EFL1: variants seen among roughly 807,000 people sequenced by gnomAD.
EFL1 encodes elongation factor-like GTPase 1.
Under a neutral mutation model 126.7 loss-of-function variants are expected in EFL1, and 76 were observed. That is an observed-to-expected ratio of 0.60 (90% confidence interval 0.50 to 0.73). The LOEUF (loss-of-function observed/expected upper bound fraction) is 0.73, where lower values mean the gene tolerates loss of function less well. EFL1 is among the 30% of genes least tolerant of loss of function. The pLI, the probability that EFL1 is intolerant of heterozygous loss-of-function variation, is 0.00. For synonymous variants in EFL1, 410 were observed against 448.4 expected (o/e 0.91, Z 1.08); for missense variants, 1,128 against 1,343.2 (o/e 0.84, Z 2.50).
chr15:82,230,746 G>A (rs1010349773), intron 8 of EFL1, 102 bp downstream of exon 8: 1 of 1,384,184 alleles, frequency 7.2e-7, no homozygotes. Flanking sequence ...GAACTCACCT[G>A]CATAAATTAA....
intron 19 of EFL1, among the ~76,000 whole-genome samples, 156 bp downstream of exon 19, chr15:82,138,502 T>C (rs2073749042): frequency 6.6e-6 from 1 of 151,790 alleles, no homozygotes; most frequent in African/African-American, 2.4e-5. Flanking sequence ...TCAATCTGGA[T>C]GAAAAAGCCA....
intron 15 of EFL1, among the ~76,000 whole-genome samples, chr15:82,168,127 G>GC: frequency 6.6e-6 from 1 of 152,170 alleles, no homozygotes; most frequent in East Asian, 1.9e-4. Flanking sequence ...TCTGCTTTAG[G>GC]CCCCCTTGCA....
chr15:82,261,137 C>T (rs1041182506), intron 2 of EFL1, among the ~76,000 whole-genome samples: 1 of 152,174 alleles, frequency 6.6e-6, no homozygotes, highest in Admixed American at 6.5e-5. Context: ...ATCTCTAATA[C>T]TAATTATGTT....
At chr15:82,148,552 T>C (rs1230921719) in intron 18 of EFL1, among the ~76,000 whole-genome samples, 2 of 152,156 alleles carry the variant, frequency 1.3e-5, no homozygotes, top group Non-Finnish European at 2.9e-5. Context: ...AATACCTATG[T>C]TACCTATCTT....
At chr15:82,196,719 A>G (rs111705127) in intron 15 of EFL1, among the ~76,000 whole-genome samples, 4 of 152,346 alleles carry the variant, frequency 2.6e-5, no homozygotes, top group African/African-American at 9.6e-5. Flanking sequence ...CTAATTTGAT[A>G]TATCTTTCAA....
At position 82,163,917 on chromosome 15, in the gene EFL1, T is replaced by C. The variant is rs760435290; in HGVS notation, c.1818A>G (p.Pro606=). The change falls in exon 16 of 20, where the codon CCA becomes CCG. Residue 606 remains proline, a synonymous_variant. Transcript: ENST00000268206. ...ATLCSLPSCP[P]FIPLNFEATP... is the part of the protein sequence containing the mutation. ...TGGCTTCGAAGTTGAGTGGTATAAA[T>C]GGTGGGCAGGATGGCAGGCTACACA... 379 of 1,613,978 alleles carry C rather than the reference T, an allele frequency of 2.3e-4. No homozygotes were observed. Among genetic ancestry groups the C allele is most frequent in the Non-Finnish European group, 3.0e-4 (351 of 1,180,018 alleles).
chr15:82,233,490 C>T (rs1399767513), intron 7 of EFL1, among the ~76,000 whole-genome samples: 2 of 152,154 alleles, frequency 1.3e-5, no homozygotes, highest in Non-Finnish European at 2.9e-5. Flanking sequence ...CTTTTGCCCT[C>T]CAAGCTACCC....
chr15:82,167,938 G>A (rs1477094117), intron 15 of EFL1, among the ~76,000 whole-genome samples: 1 of 152,170 alleles, frequency 6.6e-6, no homozygotes, highest in African/African-American at 2.4e-5. Flanking sequence ...ACCTGTTTAA[G>A]CTGAATTAAT....
At chr15:82,234,196 A>C (rs1025430101) in intron 7 of EFL1, among the ~76,000 whole-genome samples, 3 of 152,210 alleles carry the variant, frequency 2.0e-5, no homozygotes, top group African/African-American at 4.8e-5. Context: ...ATGAAAATCA[A>C]TGTAAGAAAG....
At chr15:82,151,145 G>T (rs946905903) in intron 18 of EFL1, among the ~76,000 whole-genome samples, 6 of 152,184 alleles carry the variant, frequency 3.9e-5, no homozygotes, top group African/African-American at 1.4e-4. Context: ...AGAACTTTGG[G>T]AGGCCAAAGT....
intron 13 of EFL1, 29 bp downstream of exon 13, chr15:82,220,049 G>A: frequency 6.4e-7 from 1 of 1,570,756 alleles, no homozygotes; most frequent in Non-Finnish European, 8.6e-7. Context: ...CAAATACTTT[G>A]CAACAGAGCC....
rs536596698 is a variant in EFL1 at position 82,230,024 on chromosome 15, C to T, written c.855+824G>A. 1.1e-3 allele frequency among the ~76,000 whole-genome samples: 172 copies of T among 152,256 alleles called. 1 individual carries two copies. The highest frequency in any genetic ancestry group is 3.4e-3 in the Middle Eastern group (1 of 294). ...TCAAGGCATGCTCTTTCCCACTTAG[C>T]TATATTCACTCCCTTTAAAATATAT... On this transcript the variant is annotated intron_variant, in intron 8 of 19. Transcript: ENST00000268206.
At chr15:82,226,921 C>G (rs943789099) in intron 11 of EFL1, among the ~76,000 whole-genome samples, 2 of 152,074 alleles carry the variant, frequency 1.3e-5, no homozygotes, top group Non-Finnish European at 2.9e-5. Context: ...GGAATGAAAG[C>G]AATGGAAGCC....
intron 10 of EFL1, 132 bp from the exon 11 acceptor site, chr15:82,227,704 C>T (rs2074779456): frequency 4.2e-6 from 5 of 1,179,264 alleles, no homozygotes; most frequent in Non-Finnish European, 5.9e-6. Flanking sequence ...CAAGGCAACA[C>T]TGCTTTATGC....
chr15:82,140,223 T>C (rs1194821403), intron 18 of EFL1, among the ~76,000 whole-genome samples: 1 of 152,214 alleles, frequency 6.6e-6, no homozygotes, highest in Non-Finnish European at 1.5e-5. Context: ...AGGTAGCTTC[T>C]CATTTCTTCA....
intron 16 of EFL1, chr15:82,160,139 G>A (rs1355577272): frequency 2.0e-5 from 3 of 152,266 alleles, no homozygotes; most frequent in African/African-American, 7.2e-5. Flanking sequence ...CCCAAGGCTA[G>A]TTCACAAAAG....
chr15:82,184,690 T>C (rs2074285688), intron 15 of EFL1, among the ~76,000 whole-genome samples: 1 of 152,238 alleles, frequency 6.6e-6, no homozygotes, highest in African/African-American at 2.4e-5. Flanking sequence ...TTCATGTTCA[T>C]GTTATTTTGG....
At chr15:82,229,571 A>C (rs1275791345) in intron 8 of EFL1, among the ~76,000 whole-genome samples, 2 of 152,198 alleles carry the variant, frequency 1.3e-5, no homozygotes, top group Non-Finnish European at 2.9e-5. Flanking sequence ...ACTATGCAAA[A>C]AGTTAATAGC....
chr15:82,231,800 C>G lies in EFL1; in HGVS notation c.732-829G>C, dbSNP rs540739868. 2.0e-5 allele frequency among the ~76,000 whole-genome samples: 3 copies of G among 152,288 alleles called. No homozygotes were observed. The South Asian group carries it at 6.2e-4, about 32-fold the overall frequency. ...AAACTATCTTTGTTCACACGTGACT[C>G]TTTAATCACTCTTCCACAAATGAAG... On this transcript the variant is annotated intron_variant, in intron 7 of 19. Coordinates refer to ENST00000268206, the MANE Select transcript of EFL1 (RefSeq NM_024580.6).
Sources: gnomAD v4.1 joint callset for allele counts (sites outside exome capture counted in the v4.1 genomes callset) on GRCh38, gnomAD v4.1.1 for gene constraint, MANE v1.5 for transcripts, NCBI Gene and HGNC (gene_info 2026-07-23, HGNC 2026-07-21) for gene names.